PGM1: variants seen among roughly 807,000 people sequenced by gnomAD.
PGM1 encodes phosphoglucomutase 1, also known as phosphoglucomutase-1.
PGM1 carries 52 observed loss-of-function variants against 55.6 expected under a neutral mutation model. That is an observed-to-expected ratio of 0.94 (90% CI 0.75 to 1.18). The LOEUF (loss-of-function observed/expected upper bound fraction) is 1.18. PGM1 is among the 50% of genes most tolerant of loss of function. The pLI is 0.00. For synonymous variants in PGM1, 287 were observed against 271.7 expected, an observed-to-expected ratio of 1.06 and a Z score of -0.55; for missense variants, 724 against 729.3, an observed-to-expected ratio of 0.99 and a Z score of 0.08.
chr1:63,655,426 T>C (rs1649935624), intron 10 of PGM1, among the ~76,000 whole-genome samples: 1 of 152,182 alleles, frequency 6.6e-6, no homozygotes, highest in Non-Finnish European at 1.5e-5. Flanking sequence ...GGCAGTTTCA[T>C]GTGTCTTCAC....
chr1:63,594,197 T>TCAAGGTG, intron 1 of PGM1: 1 of 893,460 alleles, frequency 1.1e-6, no homozygotes, highest in Non-Finnish European at 1.3e-6. Context: ...CCCGCTCCTC[T>TCAAGGTG]GCTATTCTCG....
At chr1:63,598,398 T>C (rs1403463455) in intron 1 of PGM1, among the ~76,000 whole-genome samples, 2 of 152,248 alleles carry the variant, frequency 1.3e-5, no homozygotes, top group East Asian at 1.9e-4. Flanking sequence ...AAGATAATGC[T>C]TCTTTACTGA....
chr1:63,641,127 A>G (rs1649503820), intron 7 of PGM1, among the ~76,000 whole-genome samples: 1 of 152,234 alleles, frequency 6.6e-6, no homozygotes, highest in Non-Finnish European at 1.5e-5. Context: ...TTTGAACCAA[A>G]GTATTAGACT....
intron 6 of PGM1, among the ~76,000 whole-genome samples, chr1:63,636,719 C>T (rs1649373475): frequency 1.3e-5 from 2 of 152,106 alleles, no homozygotes; most frequent in African/African-American, 4.8e-5. Flanking sequence ...CTGACCATAG[C>T]GTGCCTGGCA....
At chr1:63,654,517 T>G (rs1203481089) in intron 10 of PGM1, 51 bp downstream of exon 10, 6 of 1,590,360 alleles carry the variant, frequency 3.8e-6, no homozygotes, top group African/African-American at 1.3e-5. Context: ...AAGGGAATGA[T>G]AGTTTCCCAT....
intron 7 of PGM1, 97 bp from the exon 8 acceptor site, chr1:63,648,420 G>A (rs966309736): frequency 7.4e-7 from 1 of 1,354,188 alleles, no homozygotes; most frequent in Non-Finnish European, 1.1e-6. Context: ...CTCAACATGA[G>A]ATTTGGGTGG....
At chr1:63,632,839 C>T (rs899125500) in intron 4 of PGM1, among the ~76,000 whole-genome samples, 2 of 152,034 alleles carry the variant, frequency 1.3e-5, no homozygotes, top group East Asian at 3.9e-4. Context: ...GGTGAAACCC[C>T]ATCTCTATAA....
intron 1 of PGM1, among the ~76,000 whole-genome samples, chr1:63,610,849 A>G (rs908506156): frequency 6.6e-6 from 1 of 152,178 alleles, no homozygotes; most frequent in African/African-American, 2.4e-5. Flanking sequence ...AGTTTTCTCA[A>G]AAGAACACAG....
chr1:63,652,244 CAG>C (rs199953723), intron 9 of PGM1, among the ~76,000 whole-genome samples: 2,742 of 152,296 alleles, frequency 0.018, 31 homozygotes, highest in Non-Finnish European at 0.03. Flanking sequence ...CAGATTATAG[CAG>C]AGTGACAGCA....
At chr1:63,597,316 A>G (rs941006691) in intron 1 of PGM1, among the ~76,000 whole-genome samples, 2 of 152,212 alleles carry the variant, frequency 1.3e-5, no homozygotes, top group African/African-American at 4.8e-5. Flanking sequence ...AGATACAAAT[A>G]CAAATTTCTA....
intron 7 of PGM1, among the ~76,000 whole-genome samples, chr1:63,647,617 G>T (rs988447529): frequency 6.6e-6 from 1 of 151,582 alleles, no homozygotes; most frequent in Non-Finnish European, 1.5e-5. Flanking sequence ...TTTTTGTTAT[G>T]GTGTTTTATA....
chr1:63,632,977 C>T (rs931749374), intron 4 of PGM1, among the ~76,000 whole-genome samples: 1 of 152,126 alleles, frequency 6.6e-6, no homozygotes, highest in Non-Finnish European at 1.5e-5. Flanking sequence ...GAGCGGAGAT[C>T]ACACCACTGC....
At chr1:63,609,599 C>T (rs1320176559) in intron 1 of PGM1, among the ~76,000 whole-genome samples, 1 of 152,132 alleles carries the variant, frequency 6.6e-6, no homozygotes, top group Non-Finnish European at 1.5e-5. Context: ...AAAAGTGATA[C>T]ACATTCAGTA....
rs1427091702 is a variant in PGM1, at chr1:63,597,839, TA to T, written c.246+4108del. Among the ~76,000 whole-genome samples, 3 of 152,324 alleles carry T rather than the reference TA, an allele frequency of 2.0e-5. No homozygotes were observed. The East Asian group carries it at 5.8e-4, about 29-fold the overall frequency. ...TATCACCACCCTAAGCAAAATAAAA[TA>T]AATACCTTTGTGGGAACTTATGAGC... On this transcript the variant is annotated intron_variant, in intron 1 of 10. Transcript: ENST00000371084.
intron 1 of PGM1, chr1:63,623,701 G>T: frequency 6.2e-7 from 1 of 1,612,618 alleles, no homozygotes; most frequent in Non-Finnish European, 8.5e-7. Flanking sequence ...TGGTGGAGAT[G>T]GGCGGTACTT....
chr1:63,639,804 A>G (rs1444635322), intron 7 of PGM1, among the ~76,000 whole-genome samples: 1 of 152,166 alleles, frequency 6.6e-6, no homozygotes, highest in African/African-American at 2.4e-5. Context: ...CCTTTCCTAT[A>G]AGTCTGGAGG....
intron 1 of PGM1, among the ~76,000 whole-genome samples, chr1:63,609,662 C>A (rs1485125649): frequency 6.6e-6 from 1 of 152,144 alleles, no homozygotes. Flanking sequence ...TAGCAAAATG[C>A]AGGATGATAC....
intron 3 of PGM1, among the ~76,000 whole-genome samples, chr1:63,631,122 A>C (rs774865971): frequency 3.3e-5 from 5 of 152,216 alleles, no homozygotes; most frequent in African/African-American, 9.6e-5. Flanking sequence ...TATTTATATA[A>C]GTTTTATTTT....
chr1:63,606,333 G>A (rs1267945596), intron 1 of PGM1, among the ~76,000 whole-genome samples: 3 of 152,218 alleles, frequency 2.0e-5, no homozygotes, highest in Admixed American at 1.3e-4. Context: ...TGTTAGCAGA[G>A]TTTCCAAATA....
Sources: gnomAD v4.1 joint callset for allele counts (sites outside exome capture counted in the v4.1 genomes callset) on GRCh38, gnomAD v4.1.1 for gene constraint, MANE v1.5 for transcripts, NCBI Gene and HGNC (gene_info 2026-07-23, HGNC 2026-07-21) for gene names.